The following PARP9 variants were observed in gnomAD, a reference collection of about 807,000 sequenced individuals.
The protein encoded by PARP9 is poly(ADP-ribose) polymerase family member 9, also known as protein mono-ADP-ribosyltransferase PARP9.
In PARP9, 48 loss-of-function variants were observed where a neutral mutation model predicts 68.8. That is an observed-to-expected ratio of 0.70 (90% confidence interval 0.55 to 0.89). The LOEUF (loss-of-function observed/expected upper bound fraction) is 0.89. PARP9 is among the 40% of genes least tolerant of loss of function. PARP9 has a pLI of 0.00. For synonymous variants in PARP9, 309 were observed against 333.8 expected (o/e 0.93, Z 0.81); for missense variants, 806 against 969.3 (o/e 0.83, Z 2.24).
At position 122,552,400 on chromosome 3, in the gene PARP9, C is replaced by G; in HGVS notation, c.1107+18G>C. ...TAGACTATGGAGCTAAATAAAGCCA[C>G]ATTTATTTTAAACTTACCTGAGGTT... is the stretch of plus-strand genomic sequence containing the variant. On this transcript the variant is annotated intron_variant, in intron 5 of 10. Coordinates refer to ENST00000682323, the MANE Select transcript of PARP9 (RefSeq NM_001146105.2). The G allele has an allele frequency of 1.3e-6, 2 of 1,555,838 alleles. No homozygotes were observed. The highest frequency in any genetic ancestry group is 1.8e-6 in the Non-Finnish European group (2 of 1,131,102).
chr3:122,557,962 T>C (rs1380513905), intron 3 of PARP9, among the ~76,000 whole-genome samples: 1 of 152,262 alleles, frequency 6.6e-6, no homozygotes, highest in African/African-American at 2.4e-5. Flanking sequence ...ATTACTTTTA[T>C]TTTGCTTCAA....
chr3:122,540,569 A>G lies in PARP9; in HGVS notation c.1668T>C (p.Ala556=), dbSNP rs1197650724. The stretch of plus-strand genomic sequence containing the variant: ...TGTTCATAACCACCTCAATGAGGTC[A>G]GCCCGGGCTCCTTCAATCTCTAACT... ...RTELEIEGAR[A]DLIEVVMNIE... Residue 556 remains alanine (A), a synonymous_variant, in exon 8 of 11, where the codon GCT becomes GCC. Coordinates refer to ENST00000682323, the MANE Select transcript of PARP9 (RefSeq NM_001146105.2). The G allele has an allele frequency of 6.2e-7, 1 of 1,614,206 alleles. No homozygotes were observed. Among genetic ancestry groups the G allele is most frequent in the Non-Finnish European group, 8.5e-7 (1 of 1,180,030 alleles).
In PARP9 at chr3:122,555,731, A is replaced by G; in HGVS notation, c.440T>C (p.Val147Ala). ...GCAGGGAAGCCTCCCTGCTCCCGTG[A>G]CAGCTATCTCACCAGCTGACACTTT... is the stretch of plus-strand genomic sequence containing the variant. ...YGKVSAGEIA[V>A]TGAGRLPCKQ... The change falls in exon 4 of 11, where the codon GTC (valine) becomes GCC (alanine). Residue 147 changes from valine (V) to alanine (A), a missense_variant. Transcript: ENST00000682323. 2 of 1,613,858 alleles carry G rather than the reference A, an allele frequency of 1.2e-6. No individual in the cohort carries two copies. Among genetic ancestry groups the G allele is most frequent in the Non-Finnish European group, 1.7e-6 (2 of 1,179,958 alleles).
At position 122,540,493 on chromosome 3, in the gene PARP9, G is replaced by T; in HGVS notation, c.1744C>A (p.Arg582=). Residue 582 remains arginine (R), a synonymous_variant, in exon 8 of 11, where the codon CGA becomes AGA. Transcript: ENST00000682323. ...TCACCTAACGAGCGCCAAAGGCCTC[G>T]CTCCTTTTTCCTTGCCATTTCCTCC... ...VQEEMARKKE[R]GLWRSLGQWT... is the part of the protein sequence containing the mutation. The T allele has an allele frequency of 1.2e-6, 2 of 1,613,364 alleles. No individual in the cohort carries two copies. The highest frequency in any genetic ancestry group is 2.2e-5 in the East Asian group (1 of 44,862).
At chr3:122,531,998 A>AG (rs2077345624) in intron 10 of PARP9, 2 of 342,088 alleles carry the variant, frequency 5.8e-6, no homozygotes, top group Non-Finnish European at 8.3e-6. Flanking sequence ...GGGAGTCAAG[A>AG]GGGGGCAGAA....
chr3:122,564,469 G>A, upstream of PARP9: 1 of 1,612,650 alleles, frequency 6.2e-7, no homozygotes, highest in Middle Eastern at 1.7e-4. Context: ...CCTCGTGCGG[G>A]TGTACAAGTC....
At chr3:122,563,368 A>C (rs963517039) in intron 1 of PARP9, among the ~76,000 whole-genome samples, 2 of 152,208 alleles carry the variant, frequency 1.3e-5, no homozygotes, top group Non-Finnish European at 2.9e-5. Context: ...TATGATAAAA[A>C]GAATGTAAAA....
Position 122,540,789 on chromosome 3 carries a change from T to A in PARP9, c.1448A>T (p.Asn483Ile). The change falls in exon 8 of 11, where the codon AAT (asparagine) becomes ATT (isoleucine). Residue 483 changes from asparagine to isoleucine, a missense_variant. This residue lies in a region of PARP9 where 680 missense variants were observed against 858.8 expected (regional missense o/e 0.79). Coordinates refer to ENST00000682323, the MANE Select transcript of PARP9 (RefSeq NM_001146105.2). ...NGLEARSPAI[N>I]LMGFNVEEMY... ...CTCTTCCACGTTGAATCCCATCAGA[T>A]TGATGGCAGGAGATCTAGCTTCAAG... The A allele has an allele frequency of 1.9e-6, 3 of 1,614,068 alleles. No homozygotes were observed. Among genetic ancestry groups the A allele is most frequent in the Non-Finnish European group, 1.7e-6 (2 of 1,179,922 alleles).
rs748842285 is a variant in PARP9, at chr3:122,559,598, C to T, written c.15+8G>A. On this transcript the variant is annotated splice_region_variant and intron_variant, in intron 2 of 10. Transcript: ENST00000682323. ...GGTTCATGACGTATACACATTTATG[C>T]TTTTTACCATGGAAAAGTCCATCCT... 1.3e-6 allele frequency: 2 copies of T among 1,590,058 alleles called. No individual in the cohort carries two copies. Among genetic ancestry groups the T allele is most frequent in the East Asian group, 2.3e-5 (1 of 44,308 alleles).
At chr3:122,542,411 C>A (rs1249127562) in intron 7 of PARP9, among the ~76,000 whole-genome samples, 3 of 150,956 alleles carry the variant, frequency 2.0e-5, no homozygotes, top group South Asian at 2.1e-4. Context: ...AATAATAATA[C>A]TAATTTTTTT....
Position 122,557,427 on chromosome 3 carries a change from G to C in PARP9, c.49+1007C>G, listed in dbSNP as rs573445881. ...ACTAATTGACTAAAAATTATTTACCGTATGTGGCAGACAAGAAGATGTGCT... is the reference window on the plus strand; with the variant it reads ...ACTAATTGACTAAAAATTATTTACCCTATGTGGCAGACAAGAAGATGTGCT... On this transcript the variant is annotated intron_variant, in intron 3 of 10. Transcript: ENST00000682323. Among the ~76,000 whole-genome samples, 3 of 152,332 alleles carry C rather than the reference G, an allele frequency of 2.0e-5. No homozygotes were observed. In the East Asian group the frequency reaches 5.8e-4, roughly 29 times the overall value.
chr3:122,555,174 C>G, intron 4 of PARP9, 112 bp downstream of exon 4: 2 of 1,122,658 alleles, frequency 1.8e-6, no homozygotes. Context: ...GGCTCATATT[C>G]TTAATCCAAA....
intron 10 of PARP9, chr3:122,532,516 G>A (rs1463976725): frequency 1.2e-6 from 1 of 820,942 alleles, no homozygotes; most frequent in African/African-American, 1.9e-5. Flanking sequence ...GAACTGTCAA[G>A]ATTCAAATTT....
intron 7 of PARP9, among the ~76,000 whole-genome samples, chr3:122,543,049 GGC>G (rs1553715932): frequency 1.3e-5 from 2 of 151,908 alleles, no homozygotes; most frequent in East Asian, 2.0e-4. Context: ...TGGGATTACA[GGC>G]ACACGCCACC....
At chr3:122,536,038 T>A in intron 10 of PARP9, 130 bp downstream of exon 10, 7 of 1,560,450 alleles carry the variant, frequency 4.5e-6, no homozygotes, top group Non-Finnish European at 6.1e-6. Flanking sequence ...GGTCATCATT[T>A]GTGACCTCTA....
chr3:122,533,892 G>A, intron 10 of PARP9: 4 of 985,438 alleles, frequency 4.1e-6, no homozygotes, highest in Non-Finnish European at 4.8e-6. Flanking sequence ...TTGGAATATT[G>A]CACGGCTGAA....
At position 122,536,945 on chromosome 3, in the gene PARP9, G is replaced by A. The variant is rs770900470; in HGVS notation, c.1894C>T (p.Gln632Ter). The A allele has an allele frequency of 1.2e-6, 2 of 1,612,472 alleles. No homozygotes were observed. Among genetic ancestry groups the A allele is most frequent in the Non-Finnish European group, 1.7e-6 (2 of 1,179,578 alleles). Residue 632 changes from glutamine (Q) to a stop codon, truncating the protein, a stop_gained, in exon 9 of 11, where the codon CAG (glutamine) becomes TAG (stop). Coordinates refer to ENST00000682323, the MANE Select transcript of PARP9 (RefSeq NM_001146105.2). LOFTEE classifies it high-confidence loss of function. The part of the protein sequence containing the change: ...QKKQFEKCGL[Q>*]VLKVEKIDNE... ...TTTGTTAGGTATACCTTTAGAACCT[G>A]CAAACCACATTTTTCAAACTGTTTC...
chr3:122,556,020 G>A lies in PARP9; in HGVS notation c.151C>T (p.Gln51Ter). ...NNERQLCEVL[Q>*]NKFGCISTLV... Reference sequence around the variant, plus strand: ...GTAGAGATACAGCCAAACTTATTCTGGAGGACTTCACACAGCTGACGCTCA... The same window carrying A: ...GTAGAGATACAGCCAAACTTATTCTAGAGGACTTCACACAGCTGACGCTCA... Residue 51 changes from glutamine (Q) to a stop codon, truncating the protein, a stop_gained, in exon 4 of 11, where the codon CAG becomes TAG. Coordinates refer to ENST00000682323, the MANE Select transcript of PARP9 (RefSeq NM_001146105.2). LOFTEE classifies it high-confidence loss of function. 1 of 1,613,724 alleles carries A rather than the reference G, an allele frequency of 6.2e-7. No individual in the cohort carries two copies. Among genetic ancestry groups the A allele is most frequent in the Non-Finnish European group, 8.5e-7 (1 of 1,179,920 alleles).
At position 122,564,270 on chromosome 3, in the gene PARP9, G is replaced by C; in HGVS notation, c.-115C>G. ...CCGGCAGGCCGCTCTCCTCGGTGCA[G>C]ACAGCACAGGGAGGAGGGGGAAGCG... On this transcript the variant is annotated 5_prime_UTR_variant, in exon 1 of 11. Transcript: ENST00000682323. 1.1e-6 allele frequency: 1 copy of C among 925,294 alleles called. No individual in the cohort carries two copies. The highest frequency in any genetic ancestry group is 1.6e-6 in the Non-Finnish European group (1 of 643,008). The allele number at this position is 925,294 out of a possible 1,614,324, so 57.3% of individuals were successfully genotyped here. A position where few individuals can be genotyped will look rare whatever the true frequency, so the allele number is the denominator to read the frequency against.
Sources: gnomAD v4.1 joint callset for allele counts (sites outside exome capture counted in the v4.1 genomes callset) on GRCh38, gnomAD v4.1.1 for gene constraint, gnomAD v4.1.1 regional missense constraint, MANE v1.5 for transcripts, NCBI Gene and HGNC (gene_info 2026-07-23, HGNC 2026-07-21) for gene names.